The following PCBP3 variants were observed in gnomAD, a reference collection of about 807,000 sequenced individuals.
The protein encoded by PCBP3 is poly(rC)-binding protein 3.
In PCBP3, 25 loss-of-function variants were observed where a neutral mutation model predicts 52.7. The observed-to-expected ratio is 0.47, with a 90% CI of 0.35 to 0.66. PCBP3 has a LOEUF of 0.66. Ranked by LOEUF, PCBP3 falls within the 30% of genes least tolerant of loss-of-function variation. PCBP3 has a pLI of 0.01. For synonymous variants in PCBP3, 162 were observed against 183.0 expected, an observed-to-expected ratio of 0.89 and a Z score of 0.93; for missense variants, 391 against 490.3, an observed-to-expected ratio of 0.80 and a Z score of 1.91.
At chr21:45,899,679 A>G in intron 7 of PCBP3, 57 bp downstream of exon 7, 1 of 1,367,346 alleles carries the variant, frequency 7.3e-7, no homozygotes, top group Non-Finnish European at 1.0e-6. Context: ...GATGGTGAGG[A>G]TGGCAGCCTC....
intron 2 of PCBP3, among the ~76,000 whole-genome samples, chr21:45,687,571 A>G (rs2082226061): frequency 6.6e-6 from 1 of 152,188 alleles, no homozygotes; most frequent in Non-Finnish European, 1.5e-5. Context: ...GTAAAAGTAA[A>G]TGGTCAAAAC....
chr21:45,719,708 C>A (rs1296605871), intron 2 of PCBP3, among the ~76,000 whole-genome samples: 1 of 152,140 alleles, frequency 6.6e-6, no homozygotes, highest in Admixed American at 6.5e-5. Context: ...GAGGCCTCCC[C>A]AGCATTGTGG....
At chr21:45,731,680 G>C (rs1356415239) in intron 2 of PCBP3, among the ~76,000 whole-genome samples, 2 of 152,186 alleles carry the variant, frequency 1.3e-5, no homozygotes, top group African/African-American at 2.4e-5. Flanking sequence ...CTTTATCTCT[G>C]TGTTTTCAGA....
chr21:45,733,309 G>A (rs914340908), intron 2 of PCBP3, among the ~76,000 whole-genome samples: 1 of 151,990 alleles, frequency 6.6e-6, no homozygotes, highest in Non-Finnish European at 1.5e-5. Flanking sequence ...TATTTTTTGA[G>A]ATGGATTCGC....
chr21:45,786,400 C>T (rs999559036), intron 4 of PCBP3, among the ~76,000 whole-genome samples: 5 of 151,984 alleles, frequency 3.3e-5, no homozygotes, highest in African/African-American at 1.2e-4. Context: ...AAGCGATTCT[C>T]CTCCCTCAGC....
At position 45,704,476 on chromosome 21, in the gene PCBP3, C is replaced by T. The variant is rs1274087882; in HGVS notation, c.-199-30916C>T. Among the ~76,000 whole-genome samples the T allele has an allele frequency of 6.6e-6, 1 of 152,138 alleles. No individual in the cohort carries two copies. Among genetic ancestry groups the T allele is most frequent in the Non-Finnish European group, 1.5e-5 (1 of 68,020 alleles). ...AGACTGGGAGGCCGCAGCGTCTGCC[C>T]CCATTTTCCTGCTCTCCCCTGGCAG... On this transcript the variant is annotated intron_variant, in intron 2 of 17. Transcript: ENST00000681687. This position sits in a 1 kb window ranked among gnomAD's most constrained non-coding sequence, Gnocchi z 4.1.
intron 4 of PCBP3, chr21:45,760,575 C>A (rs1391644612): frequency 6.6e-6 from 1 of 151,800 alleles, no homozygotes; most frequent in Non-Finnish European, 1.5e-5. Flanking sequence ...CCTGGGATTG[C>A]GTGGGTAGAG....
chr21:45,896,428 G>T, intron 6 of PCBP3, 66 bp downstream of exon 6: 1 of 1,448,950 alleles, frequency 6.9e-7, no homozygotes, highest in Non-Finnish European at 9.4e-7. Context: ...GAGATGCACT[G>T]CCCGGGCCAT....
chr21:45,694,118 A>G (rs944378350), intron 2 of PCBP3, among the ~76,000 whole-genome samples: 80 of 152,224 alleles, frequency 5.3e-4, no homozygotes, highest in African/African-American at 1.7e-3. Flanking sequence ...AAAATACCTC[A>G]TTATTCCAAA....
At chr21:45,712,605 G>A (rs551126664) in intron 2 of PCBP3, among the ~76,000 whole-genome samples, 16 of 152,078 alleles carry the variant, frequency 1.1e-4, no homozygotes, top group Middle Eastern at 3.4e-3. Context: ...CACTGTACAC[G>A]TTGGTTTGTG....
intron 4 of PCBP3, among the ~76,000 whole-genome samples, chr21:45,820,852 T>C (rs1475388682): frequency 1.3e-5 from 2 of 152,046 alleles, no homozygotes; most frequent in African/African-American, 4.8e-5. Context: ...GCAGCTCTGT[T>C]GGCCACACGA....
At chr21:45,749,280 T>A (rs1027964020) in intron 3 of PCBP3, 3 of 152,108 alleles carry the variant, frequency 2.0e-5, no homozygotes, top group African/African-American at 7.2e-5. Flanking sequence ...CATGGTCAAA[T>A]TACCATCCAG....
intron 5 of PCBP3, among the ~76,000 whole-genome samples, chr21:45,892,531 G>C (rs1363980223): frequency 8.8e-6 from 1 of 114,144 alleles, no homozygotes; most frequent in South Asian, 2.7e-4. Flanking sequence ...TCTCTCGCGG[G>C]GCTTCATGTA....
intron 4 of PCBP3, among the ~76,000 whole-genome samples, chr21:45,844,434 G>C (rs1173678673): frequency 6.6e-6 from 1 of 152,056 alleles, no homozygotes; most frequent in African/African-American, 2.4e-5. Context: ...GGAGCCCTGG[G>C]GTCACATTCT....
At chr21:45,733,432 G>T (rs1385844183) in intron 2 of PCBP3, among the ~76,000 whole-genome samples, 1 of 151,878 alleles carries the variant, frequency 6.6e-6, no homozygotes, top group African/African-American at 2.4e-5. Flanking sequence ...GACTACAGGC[G>T]CCCGCCATCA....
At chr21:45,677,517 T>C (rs2081543580) in intron 2 of PCBP3, among the ~76,000 whole-genome samples, 1 of 152,194 alleles carries the variant, frequency 6.6e-6, no homozygotes, top group Admixed American at 6.5e-5. Context: ...CTCCAGAATA[T>C]GTAAGAGAAT....
At position 45,704,050 on chromosome 21, in the gene PCBP3, G is replaced by A. The variant is rs2083293319; in HGVS notation, c.-199-31342G>A. 6.6e-6 allele frequency among the ~76,000 whole-genome samples: 1 copy of A among 152,162 alleles called. No homozygotes were observed. Among genetic ancestry groups the A allele is most frequent in the Admixed American group, 6.5e-5 (1 of 15,282 alleles). On this transcript the variant is annotated intron_variant, in intron 2 of 17. Transcript: ENST00000681687. This position sits in a 1 kb window ranked among gnomAD's most constrained non-coding sequence, Gnocchi z 4.1. ...AGTAGGGAGTACAAGGAGAGACGAG[G>A]ATCCAGGATGGAGGCTGGCCCTCTG...
At chr21:45,908,788 G>A (rs2096269006) in intron 9 of PCBP3, among the ~76,000 whole-genome samples, 1 of 152,166 alleles carries the variant, frequency 6.6e-6, no homozygotes, top group Admixed American at 6.5e-5. Flanking sequence ...TGGGTGTCAG[G>A]ACCATGAGCC....
chr21:45,796,794 T>A (rs760075959), intron 4 of PCBP3, among the ~76,000 whole-genome samples: 24 of 152,350 alleles, frequency 1.6e-4, no homozygotes, highest in Admixed American at 3.3e-4. Context: ...AGTTTCTTAT[T>A]TTCTTTTGTC....
Sources: gnomAD v4.1 joint callset for allele counts (sites outside exome capture counted in the v4.1 genomes callset) on GRCh38, gnomAD v4.1.1 for gene constraint, Gnocchi (gnomAD v3.1) non-coding constraint, MANE v1.5 for transcripts, NCBI Gene and HGNC (gene_info 2026-07-23, HGNC 2026-07-21) for gene names.